The following TBC1D4 variants were observed in gnomAD, a reference collection of about 807,000 sequenced individuals.
The protein encoded by TBC1D4 is TBC (Tre-2, BUB2, CDC16) domain-containing protein.
In TBC1D4, 121 loss-of-function variants were observed where a neutral mutation model predicts 142.5. The ratio of observed to expected loss-of-function variants is 0.85; its 90% CI spans 0.73 to 0.99. TBC1D4 has a LOEUF of 0.99. TBC1D4 is among the 50% of genes least tolerant of loss of function. TBC1D4 has a pLI of 0.00. For missense variants in TBC1D4, 1,475 were observed against 1,606.6 expected, an observed-to-expected ratio of 0.92 and a Z score of 1.40; for synonymous variants, 630 against 628.2, an observed-to-expected ratio of 1.00 and a Z score of -0.04.
intron 1 of TBC1D4, among the ~76,000 whole-genome samples, chr13:75,462,154 G>T (rs1437176168): frequency 6.6e-6 from 1 of 152,036 alleles, no homozygotes; most frequent in Non-Finnish European, 1.5e-5. Flanking sequence ...AAAATCCTAT[G>T]CCATCACCAT....
intron 8 of TBC1D4, among the ~76,000 whole-genome samples, chr13:75,334,686 T>G (rs1209278246): frequency 6.6e-6 from 1 of 152,036 alleles, no homozygotes; most frequent in Non-Finnish European, 1.5e-5. Flanking sequence ...TGGGTTCCAG[T>G]GATTCTCGTG....
intron 18 of TBC1D4, among the ~76,000 whole-genome samples, 157 bp downstream of exon 18, chr13:75,294,697 T>A (rs1308956166): frequency 6.6e-6 from 1 of 152,238 alleles, no homozygotes; most frequent in Admixed American, 6.5e-5. Flanking sequence ...TTTAAGTTAC[T>A]GTCAGAACAC....
At chr13:75,460,948 A>G (rs187879242) in intron 1 of TBC1D4, among the ~76,000 whole-genome samples, 1 of 152,264 alleles carries the variant, frequency 6.6e-6, no homozygotes, top group East Asian at 1.9e-4. Context: ...AAGGAGAGAG[A>G]TAAGGAATGA....
rs946892717 is a variant in TBC1D4, at chr13:75,285,989, A to C, written c.*803T>G. On this transcript the variant is annotated 3_prime_UTR_variant, in exon 21 of 21. Coordinates refer to ENST00000377636, the MANE Select transcript of TBC1D4 (RefSeq NM_014832.5). Reference sequence around the variant, plus strand: ...CTAGACATTTTAGGTCCTAAATTAAATTTTTCAGGTGTGATATTTTTAGTT... The same window carrying C: ...CTAGACATTTTAGGTCCTAAATTAACTTTTTCAGGTGTGATATTTTTAGTT... 7.2e-5 allele frequency: 11 copies of C among 152,724 alleles called. No individual in the cohort carries two copies. The highest frequency in any genetic ancestry group is 7.2e-4 in the Admixed American group (11 of 15,300). The allele number at this position is 152,724 out of a possible 1,614,324, so 9.5% of individuals were successfully genotyped here.
chr13:75,338,480 T>C (rs1880409668), intron 7 of TBC1D4, among the ~76,000 whole-genome samples: 1 of 152,010 alleles, frequency 6.6e-6, no homozygotes, highest in Non-Finnish European at 1.5e-5. Flanking sequence ...TGGAAGGAAA[T>C]GAAGGAAAGG....
intron 5 of TBC1D4, 116 bp from the exon 6 acceptor site, chr13:75,341,703 A>G: frequency 1.2e-6 from 1 of 810,368 alleles, no homozygotes; most frequent in South Asian, 1.4e-5. Context: ...AATCTTCTCA[A>G]GGAGACGTGT....
At position 75,407,876 on chromosome 13, in the gene TBC1D4, A is replaced by G. The variant is rs77090572; in HGVS notation, c.499-45269T>C. On this transcript the variant is annotated intron_variant, in intron 1 of 20. Transcript: ENST00000377636. ...GATCAGGAGAGAGAAAATAGAAAAA[A>G]AAAAGAAAAGAGATGGTACACATAA... is the stretch of plus-strand genomic sequence containing the variant. Among the ~76,000 whole-genome samples the G allele has an allele frequency of 9.7e-3, 1,471 of 152,314 alleles. 41 individuals carry two copies. The highest frequency in any genetic ancestry group is 0.034 in the African/African-American group (1,405 of 41,556).
intron 15 of TBC1D4, among the ~76,000 whole-genome samples, chr13:75,304,401 C>G (rs375849710): frequency 1.3e-5 from 2 of 152,162 alleles, no homozygotes; most frequent in Non-Finnish European, 2.9e-5. Flanking sequence ...GGAAAATCAT[C>G]TCATTCATTC....
intron 6 of TBC1D4, 63 bp downstream of exon 6, chr13:75,341,433 A>G: frequency 1.3e-6 from 2 of 1,518,000 alleles, no homozygotes; most frequent in South Asian, 1.1e-5. Context: ...ACAGGAACGC[A>G]TAAAAACAGG....
chr13:75,303,791 C>A (rs1876847186), intron 15 of TBC1D4, among the ~76,000 whole-genome samples: 1 of 152,186 alleles, frequency 6.6e-6, no homozygotes, highest in Non-Finnish European at 1.5e-5. Flanking sequence ...CCATTACTTC[C>A]CAGTCCCTGA....
chr13:75,306,950 G>A (rs1422840932), intron 14 of TBC1D4, among the ~76,000 whole-genome samples: 1 of 151,978 alleles, frequency 6.6e-6, no homozygotes, highest in Admixed American at 6.6e-5. Context: ...TCCCATGTTC[G>A]TTATTTTCTC....
At chr13:75,377,991 T>A (rs1883617794) in intron 1 of TBC1D4, among the ~76,000 whole-genome samples, 1 of 152,218 alleles carries the variant, frequency 6.6e-6, no homozygotes, top group Middle Eastern at 3.4e-3. Flanking sequence ...TTTGGGGGTT[T>A]CATACCTTAA....
At chr13:75,339,165 G>C (rs145897220) in intron 7 of TBC1D4, among the ~76,000 whole-genome samples, 1 of 152,192 alleles carries the variant, frequency 6.6e-6, no homozygotes, top group African/African-American at 2.4e-5. Context: ...TTAGATGGCA[G>C]GGAAGGGTCG....
At chr13:75,435,888 C>T (rs183380134) in intron 1 of TBC1D4, among the ~76,000 whole-genome samples, 1 of 152,250 alleles carries the variant, frequency 6.6e-6, no homozygotes, top group Admixed American at 6.5e-5. Flanking sequence ...CTGGTTATAG[C>T]CCACTACCCA....
intron 4 of TBC1D4, among the ~76,000 whole-genome samples, chr13:75,353,474 G>A (rs1881785594): frequency 6.6e-6 from 1 of 152,098 alleles, no homozygotes; most frequent in Non-Finnish European, 1.5e-5. Flanking sequence ...AAAAGAGACA[G>A]TCCAAAATCT....
rs1168658295 is a variant in TBC1D4, at chr13:75,284,295, C to A, written c.*2497G>T. ...TTTATTTCTATTATTATTATTATATCCTCACCATATTATTATTATATACTC... is the reference window on the plus strand; with the variant it reads ...TTTATTTCTATTATTATTATTATATACTCACCATATTATTATTATATACTC... On this transcript the variant is annotated 3_prime_UTR_variant, in exon 21 of 21. Transcript: ENST00000377636. Among the ~76,000 whole-genome samples, 1 of 151,978 alleles carries A rather than the reference C, an allele frequency of 6.6e-6. No homozygotes were observed. Among genetic ancestry groups the A allele is most frequent in the African/African-American group, 2.4e-5 (1 of 41,364 alleles).
chr13:75,451,471 A>G (rs1887527015), intron 1 of TBC1D4, among the ~76,000 whole-genome samples: 1 of 149,588 alleles, frequency 6.7e-6, no homozygotes, highest in South Asian at 2.1e-4. Flanking sequence ...TATAACATAT[A>G]TATTAATATT....
rs568438081 is a variant in TBC1D4, at chr13:75,349,473, T to C, written c.1276-171A>G. 1.9e-4 allele frequency among the ~76,000 whole-genome samples: 29 copies of C among 152,244 alleles called. 1 individual carries two copies. Among genetic ancestry groups the C allele is most frequent in the Non-Finnish European group, 3.4e-4 (23 of 68,044 alleles). The stretch of plus-strand genomic sequence containing the variant: ...CTAAGTCTTGGAGTTAGACGTTTCA[T>C]ACATATAATTGAAAGCTGGATGAAG... On this transcript the variant is annotated intron_variant, in intron 4 of 20. Coordinates refer to ENST00000377636, the MANE Select transcript of TBC1D4 (RefSeq NM_014832.5).
chr13:75,481,950 G>A lies in TBC1D4; in HGVS notation c.-183C>T. On this transcript the variant is annotated 5_prime_UTR_variant, in exon 1 of 21. Transcript: ENST00000377636. ...TGCCCCATGCAGCACTTCCACGGGC[G>A]CGGCTCGGAGGCTCCGGCGGCGGGC... 1.1e-6 allele frequency: 1 copy of A among 882,674 alleles called. No homozygotes were observed. Among genetic ancestry groups the A allele is most frequent in the Non-Finnish European group, 1.5e-6 (1 of 665,724 alleles). The allele number at this position is 882,674 out of a possible 1,614,324, so 54.7% of individuals were successfully genotyped here.
Sources: gnomAD v4.1 joint callset for allele counts (sites outside exome capture counted in the v4.1 genomes callset) on GRCh38, gnomAD v4.1.1 for gene constraint, MANE v1.5 for transcripts, NCBI Gene and HGNC (gene_info 2026-07-23, HGNC 2026-07-21) for gene names.